FHL5: variants seen among roughly 807,000 people sequenced by gnomAD.
The protein encoded by FHL5 is four and a half LIM domains 5.
In FHL5, 33 loss-of-function variants were observed where a neutral mutation model predicts 32.0. The ratio of observed to expected loss-of-function variants is 1.03; its 90% CI spans 0.78 to 1.38. The LOEUF (loss-of-function observed/expected upper bound fraction) is 1.38. Ranked by LOEUF, FHL5 falls within the 40% of genes most tolerant of loss-of-function variation. The probability of loss-of-function intolerance (pLI) is 0.00; values close to 1 mark genes in which losing one functional copy is unlikely to be tolerated. For synonymous variants in FHL5, 114 were observed against 113.6 expected, an observed-to-expected ratio of 1.00 and a Z score of -0.02; for missense variants, 336 against 343.9, an observed-to-expected ratio of 0.98 and a Z score of 0.18.
In FHL5 at chr6:96,603,767, T is replaced by A. The variant is rs753728702; in HGVS notation, c.154T>A (p.Ser52Thr). 6.2e-7 allele frequency: 1 copy of A among 1,608,438 alleles called. No individual in the cohort carries two copies. The highest frequency in any genetic ancestry group is 2.2e-5 in the East Asian group (1 of 44,662). ...ATGCAAAAAACCAATTGAATCTGAT[T>A]CTAAGGTAAGTCTCACCTCAATTTA... ...EECKKPIESD[S>T]KDLCYKDRHW... The change falls in exon 2 of 6, where the codon TCT becomes ACT. Residue 52 changes from serine (S) to threonine (T), a missense_variant. By Grantham distance (58) the Ser-to-Thr change is moderately conservative (BLOSUM62 1). Coordinates refer to ENST00000450218, the MANE Select transcript of FHL5 (RefSeq NM_001322466.2).
chr6:96,566,245 T>C (rs1770355225), intron 1 of FHL5, among the ~76,000 whole-genome samples: 1 of 152,098 alleles, frequency 6.6e-6, no homozygotes. Flanking sequence ...CATGAGGACA[T>C]GCAGTATTTA....
At chr6:96,607,803 T>C (rs1771316304) in intron 4 of FHL5, among the ~76,000 whole-genome samples, 1 of 151,246 alleles carries the variant, frequency 6.6e-6, no homozygotes, top group South Asian at 2.1e-4. Context: ...GGCAACATAG[T>C]GACACCCTGT....
chr6:96,605,801 CATCTT>C lies in FHL5; in HGVS notation c.335-99_335-95del, dbSNP rs761575566. On this transcript the variant is annotated intron_variant, in intron 3 of 5. Transcript: ENST00000450218. ...TTTTCTAAAAGGACAATTCATTTAT[CATCTT>C]AACTTAAAACGTTTTTAAGTAATTT... is the stretch of plus-strand genomic sequence containing the variant. The C allele has an allele frequency of 2.6e-5, 24 of 934,922 alleles. No individual in the cohort carries two copies. In the East Asian group the frequency reaches 6.0e-4, roughly 23 times the overall value. The allele number at this position is 934,922 out of a possible 1,614,324, so 57.9% of individuals were successfully genotyped here.
chr6:96,611,611 G>A (rs1322589239), intron 5 of FHL5, among the ~76,000 whole-genome samples: 2 of 152,140 alleles, frequency 1.3e-5, no homozygotes, highest in Non-Finnish European at 2.9e-5. Flanking sequence ...AGTATTCTTA[G>A]AACATATTTC....
chr6:96,582,234 T>A (rs1770709760), intron 1 of FHL5, among the ~76,000 whole-genome samples: 2 of 152,130 alleles, frequency 1.3e-5, no homozygotes. Flanking sequence ...GAAGCAAGAC[T>A]AATGGTAGAT....
chr6:96,589,366 A>ATGTG (rs1401203235), intron 1 of FHL5, among the ~76,000 whole-genome samples: 1 of 152,072 alleles, frequency 6.6e-6, no homozygotes, highest in Non-Finnish European at 1.5e-5. Context: ...TGTATTTCTG[A>ATGTG]TGTGTAGGAA....
At chr6:96,589,506 C>A (rs1021135386) in intron 1 of FHL5, among the ~76,000 whole-genome samples, 1 of 151,956 alleles carries the variant, frequency 6.6e-6, no homozygotes, top group Non-Finnish European at 1.5e-5. Flanking sequence ...TGTATCTGTT[C>A]AAGTCTTTTG....
intron 1 of FHL5, among the ~76,000 whole-genome samples, chr6:96,584,004 C>T (rs1461127148): frequency 6.6e-6 from 1 of 152,088 alleles, no homozygotes; most frequent in African/African-American, 2.4e-5. Flanking sequence ...TCTTAAAGAA[C>T]AAGAAGTTTC....
intron 4 of FHL5, 133 bp downstream of exon 4, chr6:96,606,204 A>G: frequency 1.5e-6 from 1 of 648,072 alleles, no homozygotes; most frequent in East Asian, 2.9e-5. Flanking sequence ...TGGACTTTCA[A>G]CATGTCCAAA....
At chr6:96,593,989 T>G (rs1332001861) in intron 1 of FHL5, among the ~76,000 whole-genome samples, 1 of 151,890 alleles carries the variant, frequency 6.6e-6, no homozygotes, top group Non-Finnish European at 1.5e-5. Flanking sequence ...AATTTTCTCT[T>G]TATGCATTAG....
At chr6:96,588,192 G>A (rs75704918) in intron 1 of FHL5, among the ~76,000 whole-genome samples, 9,621 of 152,168 alleles carry the variant, frequency 0.063, 374 homozygotes, top group East Asian at 0.19. Context: ...TTTTCAACAC[G>A]TAAGAGTTCC....
chr6:96,567,539 T>C (rs1770382694), intron 1 of FHL5, among the ~76,000 whole-genome samples: 1 of 151,980 alleles, frequency 6.6e-6, no homozygotes, highest in Admixed American at 6.6e-5. Context: ...ACTGGTATTT[T>C]GATAACATTG....
chr6:96,579,095 T>G (rs1428800755), intron 1 of FHL5, among the ~76,000 whole-genome samples: 1 of 152,170 alleles, frequency 6.6e-6, no homozygotes, highest in African/African-American at 2.4e-5. Context: ...TCAAGTGGAA[T>G]AAGTTCAGTC....
At chr6:96,587,219 T>C (rs571933736) in intron 1 of FHL5, among the ~76,000 whole-genome samples, 1 of 152,294 alleles carries the variant, frequency 6.6e-6, no homozygotes, top group Admixed American at 6.5e-5. Flanking sequence ...TTCTTCACAA[T>C]GCCCCTGCTC....
intron 5 of FHL5, among the ~76,000 whole-genome samples, chr6:96,614,723 C>G (rs1030713440): frequency 2.6e-5 from 4 of 152,164 alleles, no homozygotes; most frequent in African/African-American, 9.7e-5. Flanking sequence ...CTTCCCAAAC[C>G]CTAACATTTT....
In FHL5 at chr6:96,615,762, C is replaced by A. The variant is rs781763340; in HGVS notation, c.845C>A (p.Thr282Asn). ...CAAAAATGTGGCTCCGGAATGGACACTGACATCTAGGAGACAGTCCTTGCC... is the reference window on the plus strand; with the variant it reads ...CAAAAATGTGGCTCCGGAATGGACAATGACATCTAGGAGACAGTCCTTGCC... Reference protein sequence around the residue: ...FCQKCGSGMDTDI With the variant: ...FCQKCGSGMDNDI Residue 282 changes from threonine to asparagine, a missense_variant, in exon 6 of 6, where the codon ACT becomes AAT. By Grantham distance (65) the Thr-to-Asn change is moderately conservative. Transcript: ENST00000450218. 1 of 1,608,520 alleles carries A rather than the reference C, an allele frequency of 6.2e-7. No homozygotes were observed. The highest frequency in any genetic ancestry group is 8.5e-7 in the Non-Finnish European group (1 of 1,177,282).
chr6:96,603,760 AT>A lies in FHL5; in HGVS notation c.148del (p.Ser50LeufsTer88). On this transcript the variant is annotated frameshift_variant, in exon 2 of 6. Coordinates refer to ENST00000450218, the MANE Select transcript of FHL5 (RefSeq NM_001322466.2). LOFTEE classifies it high-confidence loss of function. ...GCGAGGAATGCAAAAAACCAATTGA[AT>A]CTGATTCTAAGGTAAGTCTCACCTC... is the stretch of plus-strand genomic sequence containing the variant. Reference protein sequence around the residue: ...YCEECKKPIESDSKDLCYKDR... With the variant: ...YCEECKKPIEXDSKDLCYKDR... The A allele has an allele frequency of 6.2e-7, 1 of 1,609,304 alleles. No homozygotes were observed. The highest frequency in any genetic ancestry group is 8.5e-7 in the Non-Finnish European group (1 of 1,177,990).
intron 1 of FHL5, among the ~76,000 whole-genome samples, chr6:96,584,456 TGTGTTTG>T (rs1382304002): frequency 0.012 from 1,754 of 148,174 alleles, 27 homozygotes; most frequent in African/African-American, 0.042. Context: ...TGTGTGTGTG[TGTGTTTG>T]TGTGTGTGTG....
chr6:96,599,320 C>T (rs1047270900), intron 1 of FHL5, among the ~76,000 whole-genome samples: 1 of 151,570 alleles, frequency 6.6e-6, no homozygotes, highest in African/African-American at 2.4e-5. Context: ...CTCAGCCTCC[C>T]TCGTAGCTGA....
Sources: gnomAD v4.1 joint callset for allele counts (sites outside exome capture counted in the v4.1 genomes callset) on GRCh38, gnomAD v4.1.1 for gene constraint, MANE v1.5 for transcripts, NCBI Gene and HGNC (gene_info 2026-07-23, HGNC 2026-07-21) for gene names.